Variants in PRMT2 observed in about 807,000 individuals in gnomAD.
PRMT2 encodes protein arginine N-methyltransferase 2.
A neutral mutation model predicts 57.6 loss-of-function variants in PRMT2; 26 were observed. The ratio of observed to expected loss-of-function variants is 0.45; its 90% CI spans 0.33 to 0.63. PRMT2 has a LOEUF of 0.63. Among genes scored for constraint, PRMT2 ranks in the 20% least tolerant of loss-of-function variants. The probability of loss-of-function intolerance (pLI) is 0.02; values close to 1 mark genes in which losing one functional copy is unlikely to be tolerated. For synonymous variants in PRMT2, 219 were observed against 220.0 expected (o/e 1.00, Z 0.04); for missense variants, 472 against 564.4 (o/e 0.84, Z 1.66).
At chr21:46,661,630 C>T (rs988768529) in intron 9 of PRMT2, 170 bp from the exon 10 acceptor site, 5 of 534,294 alleles carry the variant, frequency 9.4e-6, no homozygotes, top group South Asian at 8.9e-5. Flanking sequence ...TGACTGAAGC[C>T]TCTGAACTCA....
At chr21:46,641,382 A>G (rs1170526658) in intron 3 of PRMT2, among the ~76,000 whole-genome samples, 1 of 152,188 alleles carries the variant, frequency 6.6e-6, no homozygotes, top group African/African-American at 2.4e-5. Flanking sequence ...TCCAGAAGGT[A>G]TTGTGTAAGA....
chr21:46,664,184 A>T, intron 11 of PRMT2, 111 bp from the exon 12 acceptor site: 1 of 869,140 alleles, frequency 1.2e-6, no homozygotes, highest in Non-Finnish European at 1.8e-6. Flanking sequence ...ATTTAAAAAA[A>T]TTCTGCACCT....
chr21:46,664,183 A>C, intron 11 of PRMT2, 112 bp from the exon 12 acceptor site: 1 of 860,896 alleles, frequency 1.2e-6, no homozygotes, highest in East Asian at 2.5e-5. Flanking sequence ...CATTTAAAAA[A>C]ATTCTGCACC....
chr21:46,649,445 C>A lies in PRMT2; in HGVS notation c.490-130C>A. ...CAGGTGTGGCCAGTCCTCGCTGCCT[C>A]TGCTGTCTGGAATGCTGCTTCCCTC... On this transcript the variant is annotated intron_variant, in intron 6 of 11. Transcript: ENST00000355680. The surrounding 1 kb of genome is among the most constrained non-coding windows in gnomAD (Gnocchi z 4.8). 1 of 1,465,198 alleles carries A rather than the reference C, an allele frequency of 6.8e-7. No individual in the cohort carries two copies. Among genetic ancestry groups the A allele is most frequent in the Non-Finnish European group, 9.5e-7 (1 of 1,056,196 alleles). 90.8% of individuals were successfully genotyped at this position (1,465,198 alleles called of 1,614,324 possible). A position where few individuals can be genotyped will look rare whatever the true frequency, so the allele number is the denominator to read the frequency against.
chr21:46,657,198 T>G (rs1442264373), intron 7 of PRMT2: 1 of 152,160 alleles, frequency 6.6e-6, no homozygotes, highest in Non-Finnish European at 1.5e-5. Flanking sequence ...CTGAAAGTCA[T>G]GCATTGCTGG....
chr21:46,663,317 G>T, intron 10 of PRMT2, 66 bp from the exon 11 acceptor site: 2 of 1,504,478 alleles, frequency 1.3e-6, no homozygotes, highest in Admixed American at 3.7e-5. Flanking sequence ...CTGAGTCAGC[G>T]CCCCGAGGGC....
At chr21:46,661,715 C>T in intron 9 of PRMT2, 85 bp from the exon 10 acceptor site, 4 of 1,228,944 alleles carry the variant, frequency 3.3e-6, no homozygotes, top group Non-Finnish European at 3.1e-6. Context: ...AGCGTCTGCG[C>T]GGGGCGCGTG....
chr21:46,649,789 A>C lies in PRMT2; in HGVS notation c.654+50A>C. The stretch of plus-strand genomic sequence containing the variant: ...GGGGGCCGGAGCTGGGGGGCTTCTG[A>C]GCACGGGCTCGGCTGGGCCAACCTC... On this transcript the variant is annotated intron_variant, in intron 7 of 11. Transcript: ENST00000355680. This position sits in a 1 kb window ranked among gnomAD's most constrained non-coding sequence, Gnocchi z 4.8. 6.3e-7 allele frequency: 1 copy of C among 1,586,946 alleles called. No homozygotes were observed. The highest frequency in any genetic ancestry group is 8.6e-7 in the Non-Finnish European group (1 of 1,165,962).
intron 5 of PRMT2, among the ~76,000 whole-genome samples, chr21:46,647,349 TACA>T (rs911791382): frequency 1.3e-5 from 2 of 152,192 alleles, no homozygotes; most frequent in African/African-American, 2.4e-5. Context: ...TTTTCCCACG[TACA>T]ACTTTTTTCT....
rs2061679044 is a variant in PRMT2 at position 46,664,773 on chromosome 21, A to G, written c.*446A>G. 4.6e-6 allele frequency: 1 copy of G among 219,468 alleles called. No individual in the cohort carries two copies. Among genetic ancestry groups the G allele is most frequent in the Admixed American group, 5.0e-5 (1 of 19,808 alleles). The allele number at this position is 219,468 out of a possible 1,614,324, so 13.6% of individuals were successfully genotyped here. A position where few individuals can be genotyped will look rare whatever the true frequency, so the allele number is the denominator to read the frequency against. On this transcript the variant is annotated 3_prime_UTR_variant, in exon 12 of 12. Transcript: ENST00000355680. ...CCACTCGTGTGGGACGTAGGATTGC[A>G]CAGGGCTGTGCCAGTGGCGTGTAGG...
rs9984352 is a variant in PRMT2 at position 46,653,011 on chromosome 21, T to C, written c.654+3272T>C. On this transcript the variant is annotated intron_variant, in intron 7 of 11. Transcript: ENST00000355680. The stretch of plus-strand genomic sequence containing the variant: ...TCACTGAGGATCTCCATTGCACATT[T>C]GGTAGAATTAAAAGACTGCCAGACT... 2.6e-3 allele frequency: 3,014 copies of C among 1,172,212 alleles called. 56 individuals carry two copies. The African/African-American group carries it at 0.045, about 17-fold the overall frequency. 72.6% of individuals were successfully genotyped at this position (1,172,212 alleles called of 1,614,324 possible).
intron 3 of PRMT2, among the ~76,000 whole-genome samples, chr21:46,641,231 C>T (rs371067522): frequency 2.0e-5 from 3 of 151,950 alleles, no homozygotes; most frequent in East Asian, 1.9e-4. Context: ...ATTGCAGCAT[C>T]GGTTATGGTG....
chr21:46,639,534 G>C (rs774827794), intron 3 of PRMT2, among the ~76,000 whole-genome samples: 6 of 151,748 alleles, frequency 4.0e-5, no homozygotes, highest in Non-Finnish European at 7.4e-5. Flanking sequence ...TATATATTTA[G>C]TATAGGTTTT....
chr21:46,652,111 G>T, intron 7 of PRMT2: 1 of 1,515,740 alleles, frequency 6.6e-7, no homozygotes, highest in Non-Finnish European at 8.8e-7. Context: ...GTTGTTCAGA[G>T]ATGGTGCTGG....
chr21:46,658,863 A>G lies in PRMT2; in HGVS notation c.773A>G (p.Tyr258Cys), dbSNP rs2061578384. Residue 258 changes from tyrosine (Y) to cysteine (C), a missense_variant, in exon 8 of 12, where the codon TAT becomes TGT. Around this residue, in one of 2 missense-constraint regions of PRMT2, gnomAD observed 243 missense variants for 347.2 expected, o/e 0.70. Coordinates refer to ENST00000355680, the MANE Select transcript of PRMT2 (RefSeq NM_206962.4). ...GTGCCCTGCAGTGCTGATAAGGATT[A>G]TCGTAGCAAGGTGCTCTTCTGGGAC... ...HLVPCSADKD[Y>C]RSKVLFWDNA... 1 of 1,614,180 alleles carries G rather than the reference A, an allele frequency of 6.2e-7. No homozygotes were observed. Among genetic ancestry groups the G allele is most frequent in the African/African-American group, 1.3e-5 (1 of 75,050 alleles).
In PRMT2 at chr21:46,649,452, C is replaced by T; in HGVS notation, c.490-123C>T. 1 of 1,504,366 alleles carries T rather than the reference C, an allele frequency of 6.6e-7. No individual in the cohort carries two copies. The highest frequency in any genetic ancestry group is 9.2e-7 in the Non-Finnish European group (1 of 1,089,044). The allele number at this position is 1,504,366 out of a possible 1,614,324, so 93.2% of individuals were successfully genotyped here. ...GGCCAGTCCTCGCTGCCTCTGCTGT[C>T]TGGAATGCTGCTTCCCTCTTGTGTC... is the stretch of plus-strand genomic sequence containing the variant. On this transcript the variant is annotated intron_variant, in intron 6 of 11. Transcript: ENST00000355680. The surrounding 1 kb of genome is among the most constrained non-coding windows in gnomAD (Gnocchi z 4.8).
chr21:46,648,901 A>G lies in PRMT2; in HGVS notation c.489+282A>G, dbSNP rs1231764910. On this transcript the variant is annotated intron_variant, in intron 6 of 11. Coordinates refer to ENST00000355680, the MANE Select transcript of PRMT2 (RefSeq NM_206962.4). This position sits in a 1 kb window ranked among gnomAD's most constrained non-coding sequence, Gnocchi z 4.8. ...TCCCGTGAATTGCGTGGGGCGGGGT[A>G]TGTTCTGTGAGACGTTTATTTCAGT... 6.6e-6 allele frequency among the ~76,000 whole-genome samples: 1 copy of G among 152,140 alleles called. No homozygotes were observed. The highest frequency in any genetic ancestry group is 1.5e-5 in the Non-Finnish European group (1 of 68,032).
At position 46,648,419 on chromosome 21, in the gene PRMT2, AGGT is replaced by A; in HGVS notation, c.328-38_328-36del. The A allele has an allele frequency of 1.9e-6, 3 of 1,607,724 alleles. No individual in the cohort carries two copies. In the East Asian group the frequency reaches 6.7e-5, roughly 36 times the overall value. ...TCAGTCCAGACCTCAGCATGGCTCT[AGGT>A]CACAGGCAGTGATTCTGAATGTGCA... is the stretch of plus-strand genomic sequence containing the variant. On this transcript the variant is annotated intron_variant, in intron 5 of 11. Coordinates refer to ENST00000355680, the MANE Select transcript of PRMT2 (RefSeq NM_206962.4). This position sits in a 1 kb window ranked among gnomAD's most constrained non-coding sequence, Gnocchi z 4.8.
At chr21:46,663,352 C>T (rs555436812) in intron 10 of PRMT2, 31 bp from the exon 11 acceptor site, 3 of 1,587,862 alleles carry the variant, frequency 1.9e-6, no homozygotes, top group South Asian at 1.1e-5. Flanking sequence ...CCTAGCTCAG[C>T]CTCCAGGTCA....
Sources: allele counts gnomAD v4.1 joint callset (sites outside exome capture counted in the v4.1 genomes callset), GRCh38; gene constraint gnomAD v4.1.1; regional missense constraint gnomAD v4.1.1; non-coding constraint Gnocchi (gnomAD v3.1); transcripts MANE v1.5; gene names NCBI Gene and HGNC (gene_info 2026-07-23, HGNC 2026-07-21).